The following DYNC1H1 variants were observed in gnomAD, a reference collection of about 807,000 sequenced individuals.
DYNC1H1 encodes the protein dynein cytoplasmic 1 heavy chain 1, also known as cytoplasmic dynein 1 heavy chain 1.
Under a neutral mutation model 527.1 loss-of-function variants are expected in DYNC1H1, and 51 were observed. The ratio of observed to expected loss-of-function variants is 0.10; its 90% CI spans 0.08 to 0.12. DYNC1H1 has a LOEUF of 0.12. DYNC1H1 is among the 10% of genes least tolerant of loss of function. The probability of loss-of-function intolerance (pLI) is 1.00; values close to 1 mark genes in which losing one functional copy is unlikely to be tolerated. For synonymous variants in DYNC1H1, 2,189 were observed against 2,278.8 expected, an observed-to-expected ratio of 0.96 and a Z score of 1.12; for missense variants, 2,771 against 5,971.8, an observed-to-expected ratio of 0.46 and a Z score of 17.66.
rs750305144 is a variant in DYNC1H1, at chr14:101,983,248, C to T, written c.1191C>T (p.Gly397=). Residue 397 remains glycine, a synonymous_variant, in exon 6 of 78, where the codon GGC becomes GGT. Transcript: ENST00000360184. This position sits in a 1 kb window ranked among gnomAD's most constrained non-coding sequence, Gnocchi z 5.3. ...GTTCTCAATTACTCAAAGTATTGGG[C>T]ACTAGGAAATTGATGCATGTTGCTT... ...DLSSQLLKVL[G]TRKLMHVAYE... The T allele has an allele frequency of 1.1e-5, 17 of 1,614,076 alleles. No homozygotes were observed. Among genetic ancestry groups the T allele is most frequent in the Non-Finnish European group, 1.3e-5 (15 of 1,180,050 alleles).
At chr14:102,028,738 C>T in intron 48 of DYNC1H1, 1 of 168,826 alleles carries the variant, frequency 5.9e-6, no homozygotes, top group Non-Finnish European at 1.3e-5. Context: ...ATGTTCAGGC[C>T]CTTACTCTTT....
At chr14:102,009,796 T>G (rs977011384) in intron 29 of DYNC1H1, 47 bp from the exon 30 acceptor site, 5 of 1,612,996 alleles carry the variant, frequency 3.1e-6, no homozygotes, top group Admixed American at 3.3e-5. Context: ...GCATTTTGTT[T>G]TTTTTTTTTA....
In DYNC1H1 at chr14:102,022,732, C is replaced by T. The variant is rs761304880; in HGVS notation, c.8508-19C>T. On this transcript the variant is annotated intron_variant, in intron 42 of 77. Transcript: ENST00000360184. ...CGTGCCCTCTAGTTACCTAAATGCA[C>T]ATGCTGCTCTCCCCACAGACTCGTA... The T allele has an allele frequency of 6.2e-7, 1 of 1,613,996 alleles. No individual in the cohort carries two copies. The highest frequency in any genetic ancestry group is 1.3e-5 in the African/African-American group (1 of 75,030).
At chr14:102,026,113 A>G (rs1329568819) in intron 43 of DYNC1H1, among the ~76,000 whole-genome samples, 1 of 151,420 alleles carries the variant, frequency 6.6e-6, no homozygotes, top group Admixed American at 6.6e-5. Context: ...GGCTACAAAA[A>G]AAAAAAAAAA....
At position 102,001,644 on chromosome 14, in the gene DYNC1H1, A is replaced by T; in HGVS notation, c.4505A>T (p.Asn1502Ile). 6.2e-7 allele frequency: 1 copy of T among 1,614,212 alleles called. No individual in the cohort carries two copies. Residue 1502 changes from asparagine (N) to isoleucine (I), a missense_variant, in exon 21 of 78, where the codon AAC becomes ATC. Asn to Ile is a moderately radical substitution (Grantham distance 149). This residue lies in a region of DYNC1H1 where 223 missense variants were observed against 462.5 expected (regional missense o/e 0.48). Coordinates refer to ENST00000360184, the MANE Select transcript of DYNC1H1 (RefSeq NM_001376.5). This position sits in a 1 kb window ranked among gnomAD's most constrained non-coding sequence, Gnocchi z 5.0. ...DLFNKVKEHI[N>I]SVSAMKLSPY... is the part of the protein sequence containing the mutation. ...TTCAACAAGGTCAAAGAACACATCA[A>T]CAGCGTCTCGGCCATGAAGCTCTCT...
At position 102,049,874 on chromosome 14, in the gene DYNC1H1, G is replaced by A; in HGVS notation, c.13676G>A (p.Gly4559Glu). 1 of 1,613,842 alleles carries A rather than the reference G, an allele frequency of 6.2e-7. No individual in the cohort carries two copies. The highest frequency in any genetic ancestry group is 8.5e-7 in the Non-Finnish European group (1 of 1,180,018). ...GCCACCCTTGACGCTTGCAGCTTCGGAGTCACGGGTGAGTGGAGTCTCACA... is the reference window on the plus strand; with the variant it reads ...GCCACCCTTGACGCTTGCAGCTTCGAAGTCACGGGTGAGTGGAGTCTCACA... Reference protein sequence around the residue: ...QGATLDACSFGVTGLKLQGAT... With the variant: ...QGATLDACSFEVTGLKLQGAT... The change falls in exon 76 of 78, where the codon GGA (glycine) becomes GAA (glutamate). Residue 4559 changes from glycine to glutamate, a missense_variant. By Grantham distance (98) the Gly-to-Glu change is moderately conservative. Transcript: ENST00000360184. The surrounding 1 kb of genome is among the most constrained non-coding windows in gnomAD (Gnocchi z 5.5).
At position 102,049,469 on chromosome 14, in the gene DYNC1H1, A is replaced by G; in HGVS notation, c.13402A>G (p.Thr4468Ala). ...CTTGCCTCGGAGCTGGTCCCACTACACGGTGCCTGCCGGCATGACCGTCAT... is the reference window on the plus strand; with the variant it reads ...CTTGCCTCGGAGCTGGTCCCACTACGCGGTGCCTGCCGGCATGACCGTCAT... Reference protein sequence around the residue: ...GILPRSWSHYTVPAGMTVIQW... With the variant: ...GILPRSWSHYAVPAGMTVIQW... The change falls in exon 75 of 78, where the codon ACG becomes GCG. Residue 4468 changes from threonine to alanine, a missense_variant. Coordinates refer to ENST00000360184, the MANE Select transcript of DYNC1H1 (RefSeq NM_001376.5). This position sits in a 1 kb window ranked among gnomAD's most constrained non-coding sequence, Gnocchi z 5.5. The G allele has an allele frequency of 1.2e-6, 2 of 1,614,114 alleles. No individual in the cohort carries two copies. Among genetic ancestry groups the G allele is most frequent in the South Asian group, 2.2e-5 (2 of 91,080 alleles).
chr14:102,042,142 G>A lies in DYNC1H1; in HGVS notation c.12214+18G>A, dbSNP rs190343016. The A allele has an allele frequency of 9.9e-6, 16 of 1,614,088 alleles. No individual in the cohort carries two copies. In the East Asian group the frequency reaches 3.6e-4, roughly 36 times the overall value. On this transcript the variant is annotated intron_variant, in intron 66 of 77. Transcript: ENST00000360184. This position sits in a 1 kb window ranked among gnomAD's most constrained non-coding sequence, Gnocchi z 5.7. ...TGCAATCGGTAAGGATGCTTGAGGGGCTTCATGGGCTGGAGCCCTGCAGGA... is the reference window on the plus strand; with the variant it reads ...TGCAATCGGTAAGGATGCTTGAGGGACTTCATGGGCTGGAGCCCTGCAGGA...
rs761186402 is a variant in DYNC1H1, at chr14:101,994,758, C to G, written c.3242C>G (p.Ala1081Gly). 4 of 1,614,058 alleles carry G rather than the reference C, an allele frequency of 2.5e-6. No individual in the cohort carries two copies. The highest frequency in any genetic ancestry group is 3.4e-6 in the Non-Finnish European group (4 of 1,180,042). Residue 1081 changes from alanine (A) to glycine (G), a missense_variant, in exon 13 of 78, where the codon GCT becomes GGT. By Grantham distance (60) the Ala-to-Gly change is moderately conservative. Around this residue, in one of 32 missense-constraint regions of DYNC1H1, gnomAD observed 179 missense variants for 349.4 expected, o/e 0.51. Coordinates refer to ENST00000360184, the MANE Select transcript of DYNC1H1 (RefSeq NM_001376.5). ...GGAGAAGATCTCAACAAATGGCAGG[C>G]TCTCCTGGTCCAAATAAGGAAGGCC... ...RLGEDLNKWQ[A>G]LLVQIRKARG...
chr14:102,025,090 C>T lies in DYNC1H1; in HGVS notation c.8638-1484C>T, dbSNP rs545632642. Among the ~76,000 whole-genome samples the T allele has an allele frequency of 3.3e-5, 5 of 151,932 alleles. No individual in the cohort carries two copies. The East Asian group carries it at 9.8e-4, about 30-fold the overall frequency. ...GTGGCTCACGCCTGTAATCCCAACA[C>T]TTTGGGAGGCCAAGGTGGGCGGATC... On this transcript the variant is annotated intron_variant, in intron 43 of 77. Transcript: ENST00000360184.
chr14:101,970,577 G>A (rs1474887127), intron 1 of DYNC1H1, among the ~76,000 whole-genome samples: 1 of 143,834 alleles, frequency 7.0e-6, no homozygotes, highest in Non-Finnish European at 1.5e-5. Context: ...CCGCCTCCTG[G>A]GTTCAAGTGA....
At chr14:101,980,662 T>C in intron 5 of DYNC1H1, 112 bp downstream of exon 5, 1 of 1,285,976 alleles carries the variant, frequency 7.8e-7, no homozygotes, top group Non-Finnish European at 1.1e-6. Flanking sequence ...CTGTCGTTTT[T>C]AACCATTTCC....
intron 42 of DYNC1H1, among the ~76,000 whole-genome samples, chr14:102,021,632 A>G (rs1305865055): frequency 6.8e-6 from 1 of 148,072 alleles, no homozygotes; most frequent in African/African-American, 2.5e-5. Context: ...CACACATCAC[A>G]GTTCCCATTT....
At position 102,038,496 on chromosome 14, in the gene DYNC1H1, C is replaced by T; in HGVS notation, c.10945C>T (p.Leu3649=). The part of the protein sequence containing the change: ...ESYDPVLNPV[L]NREVRRTGGR... ...CTACGATCCAGTTTTGAACCCGGTG[C>T]TGAACCGTGAAGTGCGGCGAACAGG... The change falls in exon 58 of 78, where the codon CTG becomes TTG. Residue 3649 remains leucine, a synonymous_variant. Coordinates refer to ENST00000360184, the MANE Select transcript of DYNC1H1 (RefSeq NM_001376.5). This position sits in a 1 kb window ranked among gnomAD's most constrained non-coding sequence, Gnocchi z 7.2. The T allele has an allele frequency of 6.2e-7, 1 of 1,614,140 alleles. No homozygotes were observed. The highest frequency in any genetic ancestry group is 8.5e-7 in the Non-Finnish European group (1 of 1,180,034).
chr14:102,005,775 G>A lies in DYNC1H1; in HGVS notation c.5434-113G>A. The A allele has an allele frequency of 7.6e-7, 1 of 1,323,018 alleles. No homozygotes were observed. The highest frequency in any genetic ancestry group is 1.2e-5 in the South Asian group (1 of 82,628). The allele number at this position is 1,323,018 out of a possible 1,614,324, so 82.0% of individuals were successfully genotyped here. A position where few individuals can be genotyped will look rare whatever the true frequency, so the allele number is the denominator to read the frequency against. ...TTGCCTTTTGGAACATTTACTGAAA[G>A]CCATTGTAACTGGACCTAGAACCTC... is the stretch of plus-strand genomic sequence containing the variant. On this transcript the variant is annotated intron_variant, in intron 26 of 77. Transcript: ENST00000360184. The surrounding 1 kb of genome is among the most constrained non-coding windows in gnomAD (Gnocchi z 4.0).
At position 102,036,877 on chromosome 14, in the gene DYNC1H1, G is replaced by A. The variant is rs529357304; in HGVS notation, c.10908+235G>A. The A allele has an allele frequency of 7.4e-5, 33 of 448,032 alleles. No homozygotes were observed. Among genetic ancestry groups the A allele is most frequent in the Middle Eastern group, 7.1e-4 (1 of 1,418 alleles). 27.8% of individuals were successfully genotyped at this position (448,032 alleles called of 1,614,324 possible). A position where few individuals can be genotyped will look rare whatever the true frequency, so the allele number is the denominator to read the frequency against. ...TCTCAGCACTTTGGGAGGCCGAGGC[G>A]GGTGGATCATCTAAGGTCAGGAATT... On this transcript the variant is annotated intron_variant, in intron 57 of 77. Coordinates refer to ENST00000360184, the MANE Select transcript of DYNC1H1 (RefSeq NM_001376.5). The surrounding 1 kb of genome is among the most constrained non-coding windows in gnomAD (Gnocchi z 5.6).
Position 102,012,534 on chromosome 14 carries a change from T to C in DYNC1H1, c.7014+64T>C. On this transcript the variant is annotated intron_variant, in intron 34 of 77. Transcript: ENST00000360184. The surrounding 1 kb of genome is among the most constrained non-coding windows in gnomAD (Gnocchi z 4.9). ...TTTTGGCCAACTAAACTTCGTGTGC[T>C]AGCTAAGTGCAGCTCTGGAGTCATG... 6.2e-7 allele frequency: 1 copy of C among 1,605,810 alleles called. No homozygotes were observed.
At chr14:102,006,858 C>T (rs2048203064) in intron 27 of DYNC1H1, 150 bp from the exon 28 acceptor site, 7 of 781,262 alleles carry the variant, frequency 9.0e-6, no homozygotes, top group South Asian at 6.0e-5. Flanking sequence ...CCTCGGCCTC[C>T]CGAAGTGCTG....
Position 102,029,983 on chromosome 14 carries a change from A to G in DYNC1H1, c.9762+45A>G, listed in dbSNP as rs2048492152. On this transcript the variant is annotated intron_variant, in intron 50 of 77. Coordinates refer to ENST00000360184, the MANE Select transcript of DYNC1H1 (RefSeq NM_001376.5). The surrounding 1 kb of genome is among the most constrained non-coding windows in gnomAD (Gnocchi z 5.3). ...TGGCCTGTAAGGACTGAGCATTTTCAGTCTCCAATGAGAGAGTAGGAAATG... is the reference window on the plus strand; with the variant it reads ...TGGCCTGTAAGGACTGAGCATTTTCGGTCTCCAATGAGAGAGTAGGAAATG... 5.0e-6 allele frequency: 8 copies of G among 1,613,880 alleles called. No individual in the cohort carries two copies. Among genetic ancestry groups the G allele is most frequent in the Admixed American group, 1.7e-5 (1 of 59,988 alleles).
Sources: gnomAD v4.1 joint callset for allele counts (sites outside exome capture counted in the v4.1 genomes callset) on GRCh38, gnomAD v4.1.1 for gene constraint, gnomAD v4.1.1 regional missense constraint, Gnocchi (gnomAD v3.1) non-coding constraint, MANE v1.5 for transcripts, NCBI Gene and HGNC (gene_info 2026-07-23, HGNC 2026-07-21) for gene names.